Variants in APBB2 observed in about 807,000 individuals in gnomAD.
APBB2 encodes amyloid beta precursor protein binding family B member 2, also known as Fe65-like 1.
A neutral mutation model predicts 82.5 loss-of-function variants in APBB2; 38 were observed. The observed-to-expected ratio is 0.46, with a 90% confidence interval of 0.36 to 0.60. The LOEUF (loss-of-function observed/expected upper bound fraction) is 0.60. Among genes scored for constraint, APBB2 ranks in the 20% least tolerant of loss-of-function variants. The pLI, the probability that APBB2 is intolerant of heterozygous loss-of-function variation, is 0.00. For synonymous variants in APBB2, 341 were observed against 368.2 expected (o/e 0.93, Z 0.85); for missense variants, 772 against 972.3 (o/e 0.79, Z 2.74).
intron 1 of APBB2, among the ~76,000 whole-genome samples, chr4:41,181,823 G>A (rs1456362543): frequency 6.6e-6 from 1 of 151,748 alleles, no homozygotes; most frequent in Non-Finnish European, 1.5e-5. Flanking sequence ...CAACATGCCT[G>A]TAATCCCAGC....
In APBB2 at chr4:40,934,707, A is replaced by C; in HGVS notation, c.1108-8T>G. On this transcript the variant is annotated splice_polypyrimidine_tract_variant and splice_region_variant and intron_variant, in intron 8 of 17. Transcript: ENST00000508593. ...AGTGGCTGCATGCAAATCCTAGAGG[A>C]AAATAGAACCTTGTTAATGTACAAT... 6.2e-7 allele frequency: 1 copy of C among 1,603,966 alleles called. No homozygotes were observed.
At chr4:40,927,704 A>C (rs1413739546) in intron 10 of APBB2, among the ~76,000 whole-genome samples, 1 of 152,028 alleles carries the variant, frequency 6.6e-6, no homozygotes. Flanking sequence ...CTGGTCTCGA[A>C]CTCCTGGGCT....
chr4:41,206,897 C>T (rs570345265), intron 1 of APBB2, among the ~76,000 whole-genome samples: 1 of 152,132 alleles, frequency 6.6e-6, no homozygotes, highest in Admixed American at 6.5e-5. Context: ...AGAGCCAGCA[C>T]CAAAGAGCAA....
At chr4:41,028,537 A>T (rs948206734) in intron 5 of APBB2, among the ~76,000 whole-genome samples, 1 of 152,216 alleles carries the variant, frequency 6.6e-6, no homozygotes, top group Admixed American at 6.5e-5. Flanking sequence ...AAAGAAAGCG[A>T]AGCCAAGAGA....
intron 1 of APBB2, among the ~76,000 whole-genome samples, chr4:41,192,370 C>G (rs1222221562): frequency 6.6e-6 from 1 of 152,070 alleles, no homozygotes; most frequent in African/African-American, 2.4e-5. Flanking sequence ...TTACAATAGC[C>G]AAGATACGGA....
intron 4 of APBB2, among the ~76,000 whole-genome samples, chr4:41,047,931 C>T (rs552957036): frequency 8.2e-4 from 125 of 152,346 alleles, no homozygotes; most frequent in African/African-American, 2.8e-3. Context: ...ATCCCTGGAT[C>T]TCTCCTCTTT....
intron 5 of APBB2, among the ~76,000 whole-genome samples, chr4:41,018,020 C>A (rs1358492330): frequency 6.6e-6 from 1 of 152,082 alleles, no homozygotes; most frequent in East Asian, 1.9e-4. Context: ...ACTCCCATTT[C>A]TTTGCTGTAA....
chr4:41,172,192 T>C (rs958353552), intron 1 of APBB2, among the ~76,000 whole-genome samples: 1 of 152,156 alleles, frequency 6.6e-6, no homozygotes, highest in Non-Finnish European at 1.5e-5. Flanking sequence ...GCCTGGCCCC[T>C]GCCTGCTGTT....
rs1166136861 is a variant in APBB2, at chr4:40,810,627, CTT to C, written c.*5463_*5464del. The C allele has an allele frequency of 4.3e-5, 6 of 140,168 alleles. No homozygotes were observed. Among genetic ancestry groups the C allele is most frequent in the Non-Finnish European group, 9.3e-5 (6 of 64,294 alleles). The allele number at this position is 140,168 out of a possible 1,614,324, so 8.7% of individuals were successfully genotyped here. Reference sequence around the variant, plus strand: ...GTGTCAATGAAGAAAGGAAACAAGACTTTTTATAGTTGAACCAGGCTTATTGT... The same window carrying C: ...GTGTCAATGAAGAAAGGAAACAAGACTTTATAGTTGAACCAGGCTTATTGT... On this transcript the variant is annotated 3_prime_UTR_variant, in exon 18 of 18. Coordinates refer to ENST00000508593, the MANE Select transcript of APBB2 (RefSeq NM_004307.2).
intron 12 of APBB2, among the ~76,000 whole-genome samples, chr4:40,846,453 C>T (rs574057409): frequency 3.4e-4 from 51 of 152,034 alleles, no homozygotes; most frequent in African/African-American, 1.2e-3. Flanking sequence ...ATCTACATGC[C>T]GCAGGTGAAA....
intron 3 of APBB2, among the ~76,000 whole-genome samples, chr4:41,067,370 T>G (rs748556073): frequency 2.0e-5 from 3 of 151,248 alleles, no homozygotes; most frequent in African/African-American, 7.3e-5. Context: ...GATCGTGCCA[T>G]TGCATACTCC....
At chr4:40,867,062 G>A (rs1295396320) in intron 12 of APBB2, among the ~76,000 whole-genome samples, 5 of 152,154 alleles carry the variant, frequency 3.3e-5, no homozygotes, top group African/African-American at 1.2e-4. Context: ...GGCCGACAGT[G>A]TCCTTTTAGA....
At chr4:41,126,782 G>A (rs910364847) in intron 2 of APBB2, among the ~76,000 whole-genome samples, 7 of 152,154 alleles carry the variant, frequency 4.6e-5, no homozygotes, top group African/African-American at 1.4e-4. Flanking sequence ...CCCACTGAAC[G>A]TGTCTGTGCC....
At chr4:40,946,853 C>T (rs1317992545) in intron 6 of APBB2, among the ~76,000 whole-genome samples, 1 of 152,170 alleles carries the variant, frequency 6.6e-6, no homozygotes, top group African/African-American at 2.4e-5. Context: ...ATCACGTGCG[C>T]AGGCATCACG....
At chr4:40,865,933 C>T (rs1341763548) in intron 12 of APBB2, among the ~76,000 whole-genome samples, 1 of 152,210 alleles carries the variant, frequency 6.6e-6, no homozygotes, top group Non-Finnish European at 1.5e-5. Context: ...CTCAAACAAA[C>T]AAACCAAAAA....
At chr4:41,034,567 C>T (rs1293158876) in intron 4 of APBB2, among the ~76,000 whole-genome samples, 1 of 152,180 alleles carries the variant, frequency 6.6e-6, no homozygotes, top group Non-Finnish European at 1.5e-5. Flanking sequence ...TCAAGTGATC[C>T]GCCCACCTTG....
At chr4:40,898,054 GGATTCAAGTCAC>G (rs1374338817) in intron 10 of APBB2, among the ~76,000 whole-genome samples, 1 of 152,186 alleles carries the variant, frequency 6.6e-6, no homozygotes, top group Admixed American at 6.5e-5. Flanking sequence ...AGAGGAGTCT[GGATTCAAGTCAC>G]GATTTTGCTA....
chr4:40,923,218 G>A (rs1014845546), intron 10 of APBB2, among the ~76,000 whole-genome samples: 8 of 149,104 alleles, frequency 5.4e-5, no homozygotes, highest in East Asian at 4.1e-4. Context: ...CTTGTGATCC[G>A]CCCGCCTCGG....
chr4:41,071,552 G>A (rs1560674196), intron 3 of APBB2, among the ~76,000 whole-genome samples: 1 of 151,968 alleles, frequency 6.6e-6, no homozygotes, highest in Non-Finnish European at 1.5e-5. Flanking sequence ...GTGGTGGCGG[G>A]CACCTGTAAT....
Sources: allele counts gnomAD v4.1 joint callset (sites outside exome capture counted in the v4.1 genomes callset), GRCh38; gene constraint gnomAD v4.1.1; transcripts MANE v1.5; gene names NCBI Gene and HGNC (gene_info 2026-07-23, HGNC 2026-07-21).